MYOM1: variants seen among roughly 807,000 people sequenced by gnomAD.
The protein encoded by MYOM1 is myomesin-1.
A neutral mutation model predicts 205.3 loss-of-function variants in MYOM1; 164 were observed. The observed-to-expected ratio is 0.80, with a 90% CI of 0.70 to 0.91. The LOEUF (loss-of-function observed/expected upper bound fraction) is 0.91. Ranked by LOEUF, MYOM1 falls within the 40% of genes least tolerant of loss-of-function variation. MYOM1 has a pLI of 0.00. For missense variants in MYOM1, 2,011 were observed against 2,127.3 expected, an observed-to-expected ratio of 0.95 and a Z score of 1.08; for synonymous variants, 772 against 789.4, an observed-to-expected ratio of 0.98 and a Z score of 0.37.
At chr18:3,175,940 A>C (rs1334638131) in intron 6 of MYOM1, 102 bp downstream of exon 6, 1 of 731,636 alleles carries the variant, frequency 1.4e-6, no homozygotes. Flanking sequence ...CAGTGTGATC[A>C]CACAGCATTG....
At chr18:3,173,857 T>C in intron 8 of MYOM1, 81 bp downstream of exon 8, 5 of 1,289,480 alleles carry the variant, frequency 3.9e-6, no homozygotes, top group Non-Finnish European at 3.4e-6. Context: ...ATAGTATGCA[T>C]TTATTTCAGC....
At chr18:3,083,695 C>T in intron 33 of MYOM1, 94 bp downstream of exon 33, 2 of 899,186 alleles carry the variant, frequency 2.2e-6, no homozygotes, top group East Asian at 2.7e-5. Context: ...ATCCACCTGC[C>T]TCGGCCTCCC....
intron 13 of MYOM1, among the ~76,000 whole-genome samples, chr18:3,144,854 T>C (rs947816476): frequency 1.3e-5 from 2 of 152,320 alleles, no homozygotes; most frequent in African/African-American, 4.8e-5. Flanking sequence ...AAGAAATAGA[T>C]AAATGCACCA....
chr18:3,142,871 T>C (rs1393612921), intron 13 of MYOM1, among the ~76,000 whole-genome samples: 1 of 152,120 alleles, frequency 6.6e-6, no homozygotes, highest in Admixed American at 6.5e-5. Flanking sequence ...CAGTTTTAGT[T>C]TACAGTTACA....
At chr18:3,155,128 A>G (rs1322275955) in intron 10 of MYOM1, 40 bp from the exon 11 acceptor site, 1 of 1,563,756 alleles carries the variant, frequency 6.4e-7, no homozygotes, top group East Asian at 2.3e-5. Context: ...CCTCTCAGAC[A>G]TGCTGTCAGT....
At chr18:3,235,705 C>G in the MYOM1 span, among the ~76,000 whole-genome samples, 1 of 152,192 alleles carries the variant, frequency 6.6e-6, no homozygotes, top group East Asian at 1.9e-4. Flanking sequence ...GTAGGGGAGA[C>G]AGATGGTAAA....
chr18:3,114,523 A>T (rs1203665576), intron 21 of MYOM1, among the ~76,000 whole-genome samples: 1 of 146,884 alleles, frequency 6.8e-6, no homozygotes, highest in Non-Finnish European at 1.5e-5. Context: ...GAATACAGGC[A>T]CATGCCACCA....
intron 5 of MYOM1, among the ~76,000 whole-genome samples, chr18:3,186,704 T>G (rs1315772431): frequency 6.7e-6 from 1 of 149,128 alleles, no homozygotes; most frequent in Non-Finnish European, 1.5e-5. Flanking sequence ...GCTTATGCTC[T>G]CTGGTAAAAA....
In MYOM1 at chr18:3,131,370, C is replaced by T. The variant is rs779100116; in HGVS notation, c.2506+5G>A. The stretch of plus-strand genomic sequence containing the variant: ...CCCCCATACAGTTATGCATAAGGAA[C>T]TTACCAATAGCAGCTTTGACTTCAA... On this transcript the variant is annotated splice_donor_5th_base_variant and intron_variant, in intron 17 of 37. Transcript: ENST00000356443. The T allele has an allele frequency of 6.2e-7, 1 of 1,613,664 alleles. No homozygotes were observed. The highest frequency in any genetic ancestry group is 1.3e-5 in the African/African-American group (1 of 74,918).
At chr18:3,085,203 T>TTTCTTCTGCTTCTTC in intron 30 of MYOM1, 71 bp from the exon 31 acceptor site, 2 of 684,084 alleles carry the variant, frequency 2.9e-6, no homozygotes, top group Non-Finnish European at 4.7e-6. Context: ...ATTTTTTTTT[T>TTTCTTCTGCTTCTTC]TCTTCTGCTT....
At chr18:3,137,170 C>G (rs1460045824) in intron 14 of MYOM1, among the ~76,000 whole-genome samples, 1 of 152,012 alleles carries the variant, frequency 6.6e-6, no homozygotes, top group Non-Finnish European at 1.5e-5. Context: ...AGGATGGTCT[C>G]GATCTCCTGA....
chr18:3,128,523 A>G (rs1008303425), intron 18 of MYOM1, among the ~76,000 whole-genome samples: 1 of 152,246 alleles, frequency 6.6e-6, no homozygotes, highest in African/African-American at 2.4e-5. Context: ...TGAGGATCAT[A>G]TATCATACAA....
At chr18:3,198,164 C>A (rs1381019852) in intron 2 of MYOM1, among the ~76,000 whole-genome samples, 1 of 152,080 alleles carries the variant, frequency 6.6e-6, no homozygotes, top group Non-Finnish European at 1.5e-5. Context: ...GAAATTTTTC[C>A]AGGTTCACTA....
chr18:3,069,865 A>T (rs1313977954), intron 37 of MYOM1, among the ~76,000 whole-genome samples: 3 of 152,214 alleles, frequency 2.0e-5, no homozygotes, highest in African/African-American at 7.2e-5. Flanking sequence ...AGAGTTGTAT[A>T]TTTTTAACCT....
the MYOM1 span, among the ~76,000 whole-genome samples, chr18:3,242,621 A>G: frequency 6.6e-6 from 1 of 151,934 alleles, no homozygotes; most frequent in African/African-American, 2.4e-5. Context: ...TGATTCTCCA[A>G]CCTCAGCCTC....
intron 20 of MYOM1, among the ~76,000 whole-genome samples, chr18:3,117,031 A>G (rs1311555273): frequency 6.6e-6 from 1 of 151,928 alleles, no homozygotes; most frequent in Non-Finnish European, 1.5e-5. Context: ...TAATTTTTTA[A>G]GTTTTTATAG....
chr18:3,136,559 T>G (rs1310881661), intron 14 of MYOM1, among the ~76,000 whole-genome samples: 1 of 152,040 alleles, frequency 6.6e-6, no homozygotes, highest in Non-Finnish European at 1.5e-5. Flanking sequence ...CCCAAGTAGT[T>G]GGGACTACAG....
chr18:3,172,048 T>A (rs990868996), intron 8 of MYOM1, among the ~76,000 whole-genome samples: 4 of 152,226 alleles, frequency 2.6e-5, no homozygotes, highest in African/African-American at 9.6e-5. Flanking sequence ...AACTACTTCA[T>A]AAGCTTCTGG....
chr18:3,071,039 G>A lies in MYOM1; in HGVS notation c.4764+795C>T, dbSNP rs902226344. Among the ~76,000 whole-genome samples the A allele has an allele frequency of 5.3e-5, 8 of 152,226 alleles. No homozygotes were observed. The South Asian group carries it at 1.0e-3, about 20-fold the overall frequency. On this transcript the variant is annotated intron_variant, in intron 37 of 37. Transcript: ENST00000356443. ...CTCCCAAAGTGTTGAGATTACAGGC[G>A]TGAGCCACTGTGCCCGGCCTAGGGG... is the stretch of plus-strand genomic sequence containing the variant.
Sources: gnomAD v4.1 joint callset for allele counts (sites outside exome capture counted in the v4.1 genomes callset) on GRCh38, gnomAD v4.1.1 for gene constraint, MANE v1.5 for transcripts, NCBI Gene and HGNC (gene_info 2026-07-23, HGNC 2026-07-21) for gene names.